BRD8: variants seen among roughly 807,000 people sequenced by gnomAD.
BRD8 encodes bromodomain containing 8.
Under a neutral mutation model 143.1 loss-of-function variants are expected in BRD8, and 67 were observed. The ratio of observed to expected loss-of-function variants is 0.47; its 90% CI spans 0.38 to 0.57. BRD8 has a LOEUF of 0.57. BRD8 is among the 20% of genes least tolerant of loss of function. The probability of loss-of-function intolerance (pLI) is 0.00; values close to 1 mark genes in which losing one functional copy is unlikely to be tolerated. For synonymous variants in BRD8, 505 were observed against 517.1 expected (o/e 0.98, Z 0.32); for missense variants, 1,103 against 1,503.0 (o/e 0.73, Z 4.40).
rs4033080 is a variant in BRD8 at position 138,147,299 on chromosome 5, A to AATAT, written c.3279-1425_3279-1422dup. Among the ~76,000 whole-genome samples the AATAT allele has an allele frequency of 8.8e-4, 129 of 146,144 alleles. 1 individual carries two copies. The highest frequency in any genetic ancestry group is 5.6e-3 in the South Asian group (26 of 4,612). ...AAAAAAAGAAATCTGCTCTTCAAAA[A>AATAT]ATATATATATATATATATTCATATA... On this transcript the variant is annotated intron_variant, in intron 23 of 26. Coordinates refer to ENST00000254900, the MANE Select transcript of BRD8 (RefSeq NM_139199.2).
rs368366438 is a variant in BRD8 at position 138,170,864 on chromosome 5, G to A, written c.408C>T (p.Ser136=). 49 of 1,614,128 alleles carry A rather than the reference G, an allele frequency of 3.0e-5. No individual in the cohort carries two copies. In the Admixed American group the frequency reaches 5.7e-4, roughly 19 times the overall value. Residue 136 remains serine (S), a synonymous_variant, in exon 6 of 27, where the codon AGC becomes AGT. Transcript: ENST00000254900. ...TGTCATTGCAAAGCTCATCCAGTCT[G>A]CTGTCCATGTGTCCAGCTTGAATTA... is the stretch of plus-strand genomic sequence containing the variant. The part of the protein sequence containing the change: ...AELIQAGHMD[S]RLDELCNDIA...
chr5:138,166,175 C>A, intron 10 of BRD8, 67 bp from the exon 11 acceptor site: 1 of 1,095,642 alleles, frequency 9.1e-7, no homozygotes, highest in South Asian at 1.4e-5. Flanking sequence ...CTTGAGATCA[C>A]ATAAGCGCTA....
At chr5:138,142,912 A>T (rs1338435327) in intron 25 of BRD8, among the ~76,000 whole-genome samples, 1 of 152,056 alleles carries the variant, frequency 6.6e-6, no homozygotes, top group Non-Finnish European at 1.5e-5. Context: ...CAAAAAATTT[A>T]AAAATTCCTC....
chr5:138,177,419 G>C (rs1021504396), intron 2 of BRD8, 152 bp downstream of exon 2: 16 of 521,398 alleles, frequency 3.1e-5, no homozygotes, highest in Admixed American at 6.3e-5. Context: ...CTCCAGCCTG[G>C]GCAACAGAAG....
intron 25 of BRD8, among the ~76,000 whole-genome samples, chr5:138,143,675 C>T (rs183253944): frequency 1.1e-3 from 154 of 134,314 alleles, no homozygotes; most frequent in Middle Eastern, 3.9e-3. Context: ...CCAATCAGCG[C>T]TCTGTGTCTA....
intron 6 of BRD8, 190 bp from the exon 7 acceptor site, chr5:138,170,599 T>G: frequency 2.5e-6 from 2 of 799,626 alleles, no homozygotes; most frequent in South Asian, 2.7e-5. Flanking sequence ...CCAGGCAAAC[T>G]ATAGCCACTC....
In BRD8 at chr5:138,165,953, C is replaced by T. The variant is rs760049939; in HGVS notation, c.1153G>A (p.Ala385Thr). The change falls in exon 11 of 27, where the codon GCT (alanine) becomes ACT (threonine). Residue 385 changes from alanine to threonine, a missense_variant. Coordinates refer to ENST00000254900, the MANE Select transcript of BRD8 (RefSeq NM_139199.2). ...TCTTCCTTCCCATCTATGCTGGGAG[C>T]CTTTGATCCAACAGGAGCCTCTGCT... is the stretch of plus-strand genomic sequence containing the variant. ...GVAEAPVGSK[A>T]PSIDGKEELD... is the part of the protein sequence containing the mutation. 3 of 1,614,180 alleles carry T rather than the reference C, an allele frequency of 1.9e-6. No individual in the cohort carries two copies. Among genetic ancestry groups the T allele is most frequent in the Non-Finnish European group, 1.7e-6 (2 of 1,180,026 alleles).
chr5:138,144,666 C>G (rs1220888348), intron 25 of BRD8, among the ~76,000 whole-genome samples: 1 of 152,086 alleles, frequency 6.6e-6, no homozygotes, highest in African/African-American at 2.4e-5. Flanking sequence ...CTTTGGAAGG[C>G]CTAGGCAGGT....
intron 23 of BRD8, 54 bp from the exon 24 acceptor site, chr5:138,145,932 A>C (rs373600592): frequency 6.8e-7 from 1 of 1,465,472 alleles, no homozygotes; most frequent in Non-Finnish European, 9.5e-7. Context: ...ATAATATTCT[A>C]TCTCCCCCAG....
rs1752347232 is a variant in BRD8 at position 138,150,838 on chromosome 5, A to C, written c.3027T>G (p.Ala1009=). Residue 1009 remains alanine (A), a synonymous_variant, in exon 22 of 27, where the codon GCT becomes GCG. Transcript: ENST00000254900. ...ELSAKGDPLV[A]EKPLGENGKP... is the part of the protein sequence containing the mutation. ...TTCCATTTTCTCCCAGTGGCTTTTC[A>C]GCTACTAAGGGGTCTCCTTTAGCTG... 1.9e-6 allele frequency: 3 copies of C among 1,614,080 alleles called. No individual in the cohort carries two copies. The highest frequency in any genetic ancestry group is 2.5e-6 in the Non-Finnish European group (3 of 1,180,034).
intron 2 of BRD8, among the ~76,000 whole-genome samples, chr5:138,174,889 GTTTTT>G (rs1168055000): frequency 7.3e-6 from 1 of 137,404 alleles, no homozygotes; most frequent in Non-Finnish European, 1.6e-5. Context: ...ATAAACTCAA[GTTTTT>G]TTTTTTTTTT....
Position 138,163,288 on chromosome 5 carries a change from C to T in BRD8, c.1929G>A (p.Glu643=), listed in dbSNP as rs1339641350. ...CTCCTTGATCCTCTTCCTTAGGCTCCTCTAGGCTGGCCGCTTCACTGACAC... is the reference window on the plus strand; with the variant it reads ...CTCCTTGATCCTCTTCCTTAGGCTCTTCTAGGCTGGCCGCTTCACTGACAC... The part of the protein sequence containing the change: ...EDGVSEAASL[E]EPKEEDQGEG... Residue 643 remains glutamate, a synonymous_variant, in exon 15 of 27, where the codon GAG becomes GAA. Transcript: ENST00000254900. 2 of 1,614,060 alleles carry T rather than the reference C, an allele frequency of 1.2e-6. No homozygotes were observed. Among genetic ancestry groups the T allele is most frequent in the African/African-American group, 2.7e-5 (2 of 74,932 alleles).
rs1753648064 is a variant in BRD8, at chr5:138,168,869, C to T, written c.642+353G>A. On this transcript the variant is annotated intron_variant, in intron 8 of 26. Transcript: ENST00000254900. ...TCCCCACAATCTTCTCTTTCATCCA[C>T]TCAAACCCACAGTGACTCAACCATC... Among the ~76,000 whole-genome samples the T allele has an allele frequency of 2.0e-5, 3 of 152,144 alleles. No homozygotes were observed. In the South Asian group the frequency reaches 6.2e-4, roughly 32 times the overall value.
chr5:138,164,982 T>C lies in BRD8; in HGVS notation c.1463A>G (p.Glu488Gly). 1 of 1,614,208 alleles carries C rather than the reference T, an allele frequency of 6.2e-7. No individual in the cohort carries two copies. The highest frequency in any genetic ancestry group is 8.5e-7 in the Non-Finnish European group (1 of 1,180,030). The change falls in exon 12 of 27, where the codon GAG becomes GGG. Residue 488 changes from glutamate to glycine, a missense_variant. Around this residue, in one of 7 missense-constraint regions of BRD8, gnomAD observed 139 missense variants for 139.0 expected, o/e 1.00. Coordinates refer to ENST00000254900, the MANE Select transcript of BRD8 (RefSeq NM_139199.2). ...MTVKQERLDF[E>G]ETENKGIHEL... ...ATGTATTCCCTTGTTTTCCGTTTCC[T>C]CAAAGTCCAGTCTCTCTTGCTTGAC...
At chr5:138,167,835 A>T in intron 9 of BRD8, 99 bp downstream of exon 9, 1 of 1,115,128 alleles carries the variant, frequency 9.0e-7, no homozygotes, top group Non-Finnish European at 1.4e-6. Flanking sequence ...GTTGGGCTTT[A>T]AATCTAGCAC....
At chr5:138,163,574 A>G in intron 14 of BRD8, 2 of 1,459,888 alleles carry the variant, frequency 1.4e-6, no homozygotes, top group South Asian at 1.3e-5. Context: ...AAAGAAAAAA[A>G]AAAGCTACTT....
intron 8 of BRD8, chr5:138,168,771 C>A: frequency 1.4e-6 from 1 of 737,622 alleles, no homozygotes. Flanking sequence ...GTGTGTCTAA[C>A]TATTATTTTA....
Position 138,145,806 on chromosome 5 carries a change from C to A in BRD8, c.3351G>T (p.Lys1117Asn). 6.2e-7 allele frequency: 1 copy of A among 1,614,040 alleles called. No individual in the cohort carries two copies. Among genetic ancestry groups the A allele is most frequent in the Non-Finnish European group, 8.5e-7 (1 of 1,179,916 alleles). Reference sequence around the variant, plus strand: ...AGACCTACCTGTGACTGGCAATCATCTTCCAGACTGGCAGGAGAGTCTTCT... The same window carrying A: ...AGACCTACCTGTGACTGGCAATCATATTCCAGACTGGCAGGAGAGTCTTCT... ...LFKKTLLPVW[K>N]MIASHRFSSP... Residue 1117 changes from lysine (K) to asparagine (N), a missense_variant, in exon 24 of 27, where the codon AAG (lysine) becomes AAT (asparagine). Lys to Asn is a moderately conservative substitution (Grantham distance 94, BLOSUM62 0). Around this residue, in one of 7 missense-constraint regions of BRD8, gnomAD observed 369 missense variants for 445.5 expected, o/e 0.83. Coordinates refer to ENST00000254900, the MANE Select transcript of BRD8 (RefSeq NM_139199.2).
At chr5:138,152,204 G>A (rs1362639308) in intron 21 of BRD8, among the ~76,000 whole-genome samples, 1 of 151,842 alleles carries the variant, frequency 6.6e-6, no homozygotes, top group East Asian at 1.9e-4. Context: ...TGGCCAGGCT[G>A]GTCTCGAACT....
Sources: gnomAD v4.1 joint callset for allele counts (sites outside exome capture counted in the v4.1 genomes callset) on GRCh38, gnomAD v4.1.1 for gene constraint, gnomAD v4.1.1 regional missense constraint, MANE v1.5 for transcripts, NCBI Gene and HGNC (gene_info 2026-07-23, HGNC 2026-07-21) for gene names.